RAD51B: variants seen among roughly 807,000 people sequenced by gnomAD.
The protein encoded by RAD51B is RAD51 paralog B, also known as DNA repair protein RAD51 homolog 2.
In RAD51B, 38 loss-of-function variants were observed where a neutral mutation model predicts 42.2. The ratio of observed to expected loss-of-function variants is 0.90; its 90% CI spans 0.70 to 1.18. RAD51B has a LOEUF of 1.18. Among genes scored for constraint, RAD51B ranks in the 50% most tolerant of loss-of-function variants. The probability of loss-of-function intolerance (pLI) is 0.00; values close to 1 mark genes in which losing one functional copy is unlikely to be tolerated. For missense variants in RAD51B, 373 were observed against 400.7 expected, an observed-to-expected ratio of 0.93 and a Z score of 0.59; for synonymous variants, 154 against 145.2, an observed-to-expected ratio of 1.06 and a Z score of -0.43.
intron 8 of RAD51B, among the ~76,000 whole-genome samples, chr14:68,333,758 G>C (rs1404990229): frequency 1.3e-5 from 2 of 152,122 alleles, no homozygotes; most frequent in African/African-American, 4.8e-5. Context: ...CAAATGTATT[G>C]ATCACATAGT....
At chr14:68,134,556 C>T (rs768021022) in intron 7 of RAD51B, among the ~76,000 whole-genome samples, 1 of 152,132 alleles carries the variant, frequency 6.6e-6, no homozygotes, top group Non-Finnish European at 1.5e-5. Context: ...TTTTACATTT[C>T]CACCAGCAGT....
At chr14:68,615,415 T>G (rs1164656583), downstream of RAD51B, among the ~76,000 whole-genome samples, 2 of 151,640 alleles carry the variant, frequency 1.3e-5, no homozygotes, top group African/African-American at 4.8e-5. Context: ...GCGTGATATC[T>G]GCTCACTGCA....
chr14:68,005,968 G>A (rs1595244730), intron 7 of RAD51B, among the ~76,000 whole-genome samples: 1 of 152,146 alleles, frequency 6.6e-6, no homozygotes, highest in African/African-American at 2.4e-5. Context: ...TTAGCAGGAG[G>A]AAGAGAGAGA....
At position 67,887,335 on chromosome 14, in the gene RAD51B, C is replaced by T; in HGVS notation, c.756+131C>T. ...AACAGATGACTTTTTAAAGGTAGTA[C>T]AGTCTAATTGCTATAGCAAACATCG... On this transcript the variant is annotated intron_variant, in intron 7 of 10. Transcript: ENST00000471583. The T allele has an allele frequency of 4.2e-6, 3 of 705,910 alleles. No individual in the cohort carries two copies. The South Asian group carries it at 6.6e-5, about 16-fold the overall frequency. The allele number at this position is 705,910 out of a possible 1,614,324, so 43.7% of individuals were successfully genotyped here.
intron 7 of RAD51B, among the ~76,000 whole-genome samples, chr14:68,162,082 A>G (rs770081307): frequency 3.3e-5 from 5 of 152,204 alleles, no homozygotes; most frequent in Non-Finnish European, 7.3e-5. Context: ...TTTAGGTTCA[A>G]TTTCTCGGCT....
chr14:67,830,482 A>G (rs962739750), intron 3 of RAD51B, among the ~76,000 whole-genome samples: 2 of 151,580 alleles, frequency 1.3e-5, no homozygotes, highest in Non-Finnish European at 1.5e-5. Context: ...GCTCACTGCA[A>G]TCTCTGCCTT....
chr14:68,235,504 A>G (rs541372415), intron 7 of RAD51B, among the ~76,000 whole-genome samples: 5 of 151,676 alleles, frequency 3.3e-5, no homozygotes, highest in South Asian at 2.1e-4. Context: ...GGAGATCGAG[A>G]CCATCCCGGC....
intron 4 of RAD51B, among the ~76,000 whole-genome samples, chr14:67,858,768 CCTACCCT>C (rs1308665907): frequency 6.6e-6 from 1 of 152,166 alleles, no homozygotes; most frequent in Non-Finnish European, 1.5e-5. Flanking sequence ...GATACCTGGC[CCTACCCT>C]ATCTGCCTAG....
intron 8 of RAD51B, among the ~76,000 whole-genome samples, chr14:68,387,571 CTT>C (rs2083624729): frequency 1.3e-5 from 2 of 152,188 alleles, no homozygotes; most frequent in African/African-American, 2.4e-5. Flanking sequence ...ACGTCTGTCT[CTT>C]TTTATTGCAT....
chr14:67,946,010 G>T (rs1186360235), intron 7 of RAD51B, among the ~76,000 whole-genome samples: 2 of 152,124 alleles, frequency 1.3e-5, no homozygotes, highest in Non-Finnish European at 1.5e-5. Context: ...AAAGATAACT[G>T]TCTTCTCAAA....
chr14:68,404,933 A>C (rs1230942455), intron 8 of RAD51B, among the ~76,000 whole-genome samples: 1 of 152,200 alleles, frequency 6.6e-6, no homozygotes, highest in Non-Finnish European at 1.5e-5. Flanking sequence ...TGAGCTCTCA[A>C]GACTCTTGTG....
At chr14:68,507,356 G>C (rs1001028307) in intron 10 of RAD51B, among the ~76,000 whole-genome samples, 1 of 152,136 alleles carries the variant, frequency 6.6e-6, no homozygotes, top group Non-Finnish European at 1.5e-5. Context: ...CCCAGCCCCA[G>C]GAAGTGTTTA....
At chr14:68,034,863 G>T (rs2076097456) in intron 7 of RAD51B, among the ~76,000 whole-genome samples, 1 of 152,028 alleles carries the variant, frequency 6.6e-6, no homozygotes, top group South Asian at 2.1e-4. Context: ...TTATCTGAAG[G>T]GATTGGGATG....
chr14:67,902,770 C>T (rs2043654985), intron 7 of RAD51B, among the ~76,000 whole-genome samples: 1 of 152,000 alleles, frequency 6.6e-6, no homozygotes, highest in African/African-American at 2.4e-5. Flanking sequence ...TAGCTTATAC[C>T]AATATTTATT....
intron 7 of RAD51B, among the ~76,000 whole-genome samples, chr14:68,123,778 A>G (rs112391055): frequency 0.1 from 15,639 of 152,162 alleles, 2,422 homozygotes; most frequent in African/African-American, 0.34. Flanking sequence ...ACTGCACTCC[A>G]GTCTGGGCAA....
chr14:68,031,146 A>T (rs551799601), intron 7 of RAD51B, among the ~76,000 whole-genome samples: 29 of 152,368 alleles, frequency 1.9e-4, no homozygotes, highest in African/African-American at 6.5e-4. Flanking sequence ...TTACAGTTCC[A>T]TGTGGCTGGG....
rs879181544 is a variant in RAD51B, at chr14:67,886,927, T to C, written c.573-94T>C. The C allele has an allele frequency of 6.5e-6, 5 of 770,846 alleles. No individual in the cohort carries two copies. In the Admixed American group the frequency reaches 1.4e-4, roughly 22 times the overall value. The allele number at this position is 770,846 out of a possible 1,614,324, so 47.8% of individuals were successfully genotyped here. ...ATTACTGTAACTTAGGAAAGAATAG[T>C]TTATTGTTTTTAAGTTGCTTAGCCT... On this transcript the variant is annotated intron_variant, in intron 6 of 10. Coordinates refer to ENST00000471583, the MANE Select transcript of RAD51B (RefSeq NM_133510.4).
intron 7 of RAD51B, among the ~76,000 whole-genome samples, chr14:67,916,331 G>C (rs575809768): frequency 6.6e-6 from 1 of 151,970 alleles, no homozygotes; most frequent in East Asian, 1.9e-4. Flanking sequence ...GCTCAGGTTG[G>C]AGTGTAGTGG....
At chr14:68,264,903 G>A (rs1370645861) in intron 7 of RAD51B, among the ~76,000 whole-genome samples, 1 of 152,108 alleles carries the variant, frequency 6.6e-6, no homozygotes, top group African/African-American at 2.4e-5. Flanking sequence ...AGGCTGCATC[G>A]GGTAGCAGAA....
Sources: allele counts gnomAD v4.1 joint callset (sites outside exome capture counted in the v4.1 genomes callset), GRCh38; gene constraint gnomAD v4.1.1; transcripts MANE v1.5; gene names NCBI Gene and HGNC (gene_info 2026-07-23, HGNC 2026-07-21).